PLCG1: variants seen among roughly 807,000 people sequenced by gnomAD.
PLCG1 encodes the protein 1-phosphatidylinositol 4,5-bisphosphate phosphodiesterase gamma-1.
A neutral mutation model predicts 177.8 loss-of-function variants in PLCG1; 71 were observed. That is an observed-to-expected ratio of 0.40 (90% CI 0.33 to 0.49). The LOEUF (loss-of-function observed/expected upper bound fraction) is 0.49, where lower values mean the gene tolerates loss of function less well. Among genes scored for constraint, PLCG1 ranks in the 20% least tolerant of loss-of-function variants. PLCG1 has a pLI of 0.72. For synonymous variants in PLCG1, 658 were observed against 647.9 expected (o/e 1.02, Z -0.24); for missense variants, 1,281 against 1,709.0 (o/e 0.75, Z 4.42).
chr20:41,153,783 C>T lies in PLCG1; in HGVS notation c.218-5823C>T, dbSNP rs556429013. ...TGGTGGTGTGCATCTGTAATCCCAG[C>T]TACTTGGGAGACTGAGGTATGAGAA... is the stretch of plus-strand genomic sequence containing the variant. On this transcript the variant is annotated intron_variant, in intron 1 of 31. Transcript: ENST00000685551. The surrounding 1 kb of genome is among the most constrained non-coding windows in gnomAD (Gnocchi z 5.1). 4.6e-5 allele frequency among the ~76,000 whole-genome samples: 7 copies of T among 152,262 alleles called. No homozygotes were observed. The South Asian group carries it at 8.3e-4, about 18-fold the overall frequency.
Position 41,177,311 on chromosome 20 carries a change from C to T in PLCG1, c.*2802C>T, listed in dbSNP as rs1198298289. On this transcript the variant is annotated 3_prime_UTR_variant, in exon 32 of 32. Coordinates refer to ENST00000685551, the MANE Select transcript of PLCG1 (RefSeq NM_002660.3). ...CCTACAAGGTCAGGGGCATTCTGCC[C>T]CCGCCACAGGACTAAAGACTGCCCT... is the stretch of plus-strand genomic sequence containing the variant. 1.1e-4 allele frequency: 16 copies of T among 152,370 alleles called. No individual in the cohort carries two copies. The South Asian group carries it at 2.1e-3, about 20-fold the overall frequency. The allele number at this position is 152,370 out of a possible 1,614,324, so 9.4% of individuals were successfully genotyped here.
At chr20:41,152,654 A>C (rs971075838) in intron 1 of PLCG1, among the ~76,000 whole-genome samples, 49 of 152,216 alleles carry the variant, frequency 3.2e-4, no homozygotes, top group African/African-American at 1.1e-3. Context: ...CCTGCTCTTA[A>C]GTACTCTGAA....
Position 41,166,503 on chromosome 20 carries a change from A to G in PLCG1, c.2028A>G (p.Ala676=). Reference sequence around the variant, plus strand: ...GGTACCACGCGAGCCTGACCAGAGCACAGGCTGAGCACATGCTAATGCGCG... The same window carrying G: ...GGTACCACGCGAGCCTGACCAGAGCGCAGGCTGAGCACATGCTAATGCGCG... ...KEWYHASLTR[A]QAEHMLMRVP... Residue 676 remains alanine (A), a synonymous_variant, in exon 18 of 32, where the codon GCA becomes GCG. Coordinates refer to ENST00000685551, the MANE Select transcript of PLCG1 (RefSeq NM_002660.3). The surrounding 1 kb of genome is among the most constrained non-coding windows in gnomAD (Gnocchi z 8.6). The G allele has an allele frequency of 6.2e-7, 1 of 1,614,106 alleles. No homozygotes were observed. The highest frequency in any genetic ancestry group is 8.5e-7 in the Non-Finnish European group (1 of 1,180,022).
Position 41,144,063 on chromosome 20 carries a change from C to CA in PLCG1, c.217+6211dup, listed in dbSNP as rs747848483. Among the ~76,000 whole-genome samples the CA allele has an allele frequency of 1.3e-5, 2 of 152,134 alleles. No homozygotes were observed. The highest frequency in any genetic ancestry group is 2.9e-5 in the Non-Finnish European group (2 of 68,042). On this transcript the variant is annotated intron_variant, in intron 1 of 31. Transcript: ENST00000685551. This position sits in a 1 kb window ranked among gnomAD's most constrained non-coding sequence, Gnocchi z 4.1. ...GTCTGTACACAGAGGACTGGGGCAT[C>CA]AAAAAACTCTGGAATTGGAATAGCA...
Position 41,167,617 on chromosome 20 carries a change from A to G in PLCG1, c.2302-235A>G. The stretch of plus-strand genomic sequence containing the variant: ...TGGGAGTTTGGGCATTTAGGACCTG[A>G]GAGATTTTAGAATCCTGGGCTGGGC... On this transcript the variant is annotated intron_variant, in intron 19 of 31. Coordinates refer to ENST00000685551, the MANE Select transcript of PLCG1 (RefSeq NM_002660.3). The surrounding 1 kb of genome is among the most constrained non-coding windows in gnomAD (Gnocchi z 4.4). 1.8e-6 allele frequency: 1 copy of G among 551,862 alleles called. No individual in the cohort carries two copies. The highest frequency in any genetic ancestry group is 3.2e-6 in the Non-Finnish European group (1 of 308,816). 34.2% of individuals were successfully genotyped at this position (551,862 alleles called of 1,614,324 possible). A position where few individuals can be genotyped will look rare whatever the true frequency, so the allele number is the denominator to read the frequency against.
At chr20:41,169,394 G>C in intron 22 of PLCG1, 63 bp from the exon 23 acceptor site, 2 of 1,281,464 alleles carry the variant, frequency 1.6e-6, no homozygotes, top group South Asian at 2.4e-5. Flanking sequence ...CATGCACACG[G>C]ATATCCCCTC....
In PLCG1 at chr20:41,174,103, G is replaced by C. The variant is rs370703709; in HGVS notation, c.3646-21G>C. On this transcript the variant is annotated intron_variant, in intron 30 of 31. Coordinates refer to ENST00000685551, the MANE Select transcript of PLCG1 (RefSeq NM_002660.3). The surrounding 1 kb of genome is among the most constrained non-coding windows in gnomAD (Gnocchi z 5.8). Reference sequence around the variant, plus strand: ...GTGCAGAGGAGTCATTGACCCTCTTGTGCACCTGGCTTCGTTGAAGCAGGA... The same window carrying C: ...GTGCAGAGGAGTCATTGACCCTCTTCTGCACCTGGCTTCGTTGAAGCAGGA... The C allele has an allele frequency of 3.1e-6, 5 of 1,612,330 alleles. No homozygotes were observed. The highest frequency in any genetic ancestry group is 1.3e-5 in the African/African-American group (1 of 74,896).
In PLCG1 at chr20:41,169,310, G is replaced by A. The variant is rs373153740; in HGVS notation, c.2580+135G>A. The A allele has an allele frequency of 6.1e-4, 557 of 916,800 alleles. No individual in the cohort carries two copies. In the African/African-American group the frequency reaches 8.2e-3, roughly 14 times the overall value. 56.8% of individuals were successfully genotyped at this position (916,800 alleles called of 1,614,324 possible). On this transcript the variant is annotated intron_variant, in intron 22 of 31. Coordinates refer to ENST00000685551, the MANE Select transcript of PLCG1 (RefSeq NM_002660.3). ...ATGGGCTGGTCGCACAGCCCATGTG[G>A]CCATGCACGTAGTCTCCCATATACC...
rs570554443 is a variant in PLCG1 at position 41,157,488 on chromosome 20, C to G, written c.218-2118C>G. Among the ~76,000 whole-genome samples the G allele has an allele frequency of 9.2e-5, 14 of 152,112 alleles. No homozygotes were observed. The highest frequency in any genetic ancestry group is 1.9e-4 in the Non-Finnish European group (13 of 68,020). ...CCGAGTATAACTGTTCATTTTTGTT[C>G]CCCATCCCTATTTGGTTTTCCCTCC... On this transcript the variant is annotated intron_variant, in intron 1 of 31. Coordinates refer to ENST00000685551, the MANE Select transcript of PLCG1 (RefSeq NM_002660.3). This position sits in a 1 kb window ranked among gnomAD's most constrained non-coding sequence, Gnocchi z 5.4.
rs1220668969 is a variant in PLCG1 at position 41,175,973 on chromosome 20, A to G, written c.*1464A>G. The G allele has an allele frequency of 6.6e-6, 1 of 152,154 alleles. No individual in the cohort carries two copies. Among genetic ancestry groups the G allele is most frequent in the African/African-American group, 2.4e-5 (1 of 41,422 alleles). 9.4% of individuals were successfully genotyped at this position (152,154 alleles called of 1,614,324 possible). ...CTGCCTGGGTTCTTTGTGGCCAGCC[A>G]GTTTTGGTGGTGAGCTGGAAACAAC... On this transcript the variant is annotated 3_prime_UTR_variant, in exon 32 of 32. Transcript: ENST00000685551.
At position 41,166,227 on chromosome 20, in the gene PLCG1, C is replaced by T. The variant is rs374142038; in HGVS notation, c.1833C>T (p.His611=). The T allele has an allele frequency of 3.7e-6, 6 of 1,613,882 alleles. No homozygotes were observed. Among genetic ancestry groups the T allele is most frequent in the Non-Finnish European group, 5.1e-6 (6 of 1,179,996 alleles). The change falls in exon 17 of 32, where the codon CAC becomes CAT. Residue 611 remains histidine, a synonymous_variant. Coordinates refer to ENST00000685551, the MANE Select transcript of PLCG1 (RefSeq NM_002660.3). This position sits in a 1 kb window ranked among gnomAD's most constrained non-coding sequence, Gnocchi z 8.6. ...RNGKVQHCRI[H]SRQDAGTPKF... ...GGAAAGTCCAGCACTGCCGTATCCA[C>T]TCCCGGCAAGATGCTGGGACCCCCA...
Position 41,164,749 on chromosome 20 carries a change from C to T in PLCG1, c.1218-184C>T, listed in dbSNP as rs2035624859. On this transcript the variant is annotated intron_variant, in intron 12 of 31. Coordinates refer to ENST00000685551, the MANE Select transcript of PLCG1 (RefSeq NM_002660.3). The surrounding 1 kb of genome is among the most constrained non-coding windows in gnomAD (Gnocchi z 6.4). ...ATCAGTTGCCACCCTTTGGTTTCCACTGCTGCCACAGCTGTAGAACCCCTC... is the reference window on the plus strand; with the variant it reads ...ATCAGTTGCCACCCTTTGGTTTCCATTGCTGCCACAGCTGTAGAACCCCTC... Among the ~76,000 whole-genome samples the T allele has an allele frequency of 6.6e-6, 1 of 152,206 alleles. No homozygotes were observed. The highest frequency in any genetic ancestry group is 6.5e-5 in the Admixed American group (1 of 15,282).
chr20:41,174,208 C>A lies in PLCG1; in HGVS notation c.3730C>A (p.Arg1244=). The A allele has an allele frequency of 6.2e-7, 1 of 1,614,142 alleles. No homozygotes were observed. Among genetic ancestry groups the A allele is most frequent in the South Asian group, 1.1e-5 (1 of 91,076 alleles). Residue 1244 remains arginine (R), a synonymous_variant, in exon 31 of 32, where the codon CGA becomes AGA. Transcript: ENST00000685551. The surrounding 1 kb of genome is among the most constrained non-coding windows in gnomAD (Gnocchi z 5.8). ...TGCCTCAGGCCAGCTGTTTCATGGC[C>A]GAGCCCGGGAAGGCTCCTTTGAATC... ...SDASGQLFHG[R]AREGSFESRY...
chr20:41,162,882 A>AGCCT lies in PLCG1; in HGVS notation c.682-71_682-68dup. 5.5e-6 allele frequency: 8 copies of AGCCT among 1,450,102 alleles called. No individual in the cohort carries two copies. In the South Asian group the frequency reaches 6.8e-5, roughly 12 times the overall value. 89.8% of individuals were successfully genotyped at this position (1,450,102 alleles called of 1,614,324 possible). A position where few individuals can be genotyped will look rare whatever the true frequency, so the allele number is the denominator to read the frequency against. ...GAGGCCTGCCCCCATCTGCTGCTCTAGCCTGCCTTCTTACTAGCCCATTTC... is the reference window on the plus strand; with the variant it reads ...GAGGCCTGCCCCCATCTGCTGCTCTAGCCTGCCTGCCTTCTTACTAGCCCATTTC... On this transcript the variant is annotated intron_variant, in intron 6 of 31. Transcript: ENST00000685551.
Position 41,160,152 on chromosome 20 carries a change from C to T in PLCG1, c.511C>T (p.Arg171Cys), listed in dbSNP as rs866700700. 3 of 1,613,780 alleles carry T rather than the reference C, an allele frequency of 1.9e-6. No homozygotes were observed. Among genetic ancestry groups the T allele is most frequent in the Non-Finnish European group, 2.5e-6 (3 of 1,179,742 alleles). Reference protein sequence around the residue: ...FYSVDRNREDRISAKDLKNML... With the variant: ...FYSVDRNREDCISAKDLKNML... ...CTCAGTGGATCGGAATCGTGAGGAT[C>T]GGTAAGTACTGAGCTGTGGCTGTAG... Residue 171 changes from arginine to cysteine, a missense_variant and splice_region_variant, in exon 4 of 32, where the codon CGT (arginine) becomes TGT (cysteine). By Grantham distance (180) the Arg-to-Cys change is radical. Around this residue, in one of 4 missense-constraint regions of PLCG1, gnomAD observed 374 missense variants for 443.8 expected, o/e 0.84. Transcript: ENST00000685551. This position sits in a 1 kb window ranked among gnomAD's most constrained non-coding sequence, Gnocchi z 5.5.
chr20:41,140,826 C>T (rs532633137), intron 1 of PLCG1, among the ~76,000 whole-genome samples: 59 of 152,274 alleles, frequency 3.9e-4, no homozygotes, highest in Non-Finnish European at 6.5e-4. Context: ...TGAGACCTTT[C>T]GTCCCATTTT....
chr20:41,157,816 G>A lies in PLCG1; in HGVS notation c.218-1790G>A, dbSNP rs1489272160. 1.3e-5 allele frequency among the ~76,000 whole-genome samples: 2 copies of A among 152,208 alleles called. No individual in the cohort carries two copies. Among genetic ancestry groups the A allele is most frequent in the Non-Finnish European group, 2.9e-5 (2 of 68,036 alleles). ...AGAGGGTGAGAGGGCAAAAGCTGGG[G>A]AGGTAAATTCCTGAGCCCTGTCACA... is the stretch of plus-strand genomic sequence containing the variant. On this transcript the variant is annotated intron_variant, in intron 1 of 31. Coordinates refer to ENST00000685551, the MANE Select transcript of PLCG1 (RefSeq NM_002660.3). This position sits in a 1 kb window ranked among gnomAD's most constrained non-coding sequence, Gnocchi z 5.4.
In PLCG1 at chr20:41,169,180, GACCAGAACC is replaced by G. The variant is rs547025579; in HGVS notation, c.2580+9_2580+17del. 2.3e-4 allele frequency: 367 copies of G among 1,588,312 alleles called. 1 individual carries two copies. In the East Asian group the frequency reaches 7.6e-3, roughly 33 times the overall value. On this transcript the variant is annotated splice_donor_region_variant and intron_variant, in intron 22 of 31. Coordinates refer to ENST00000685551, the MANE Select transcript of PLCG1 (RefSeq NM_002660.3). ...GCCCTGGAGCCGGAGAGGGAGGTAAGACCAGAACCACCTGAGTAACAGCATTCCCTATTC... is the reference window on the plus strand; with the variant it reads ...GCCCTGGAGCCGGAGAGGGAGGTAAGACCTGAGTAACAGCATTCCCTATTC...
In PLCG1 at chr20:41,166,722, C is replaced by G. The variant is rs2035706615; in HGVS notation, c.2164C>G (p.Gln722Glu). ...IKHCRVQQEG[Q>E]TVMLGNSEFD... ...GCATTGCCGTGTCCAGCAAGAGGGC[C>G]AGACAGTGATGCTAGGGAACTCGGA... Residue 722 changes from glutamine (Q) to glutamate (E), a missense_variant, in exon 19 of 32, where the codon CAG becomes GAG. Coordinates refer to ENST00000685551, the MANE Select transcript of PLCG1 (RefSeq NM_002660.3). This position sits in a 1 kb window ranked among gnomAD's most constrained non-coding sequence, Gnocchi z 8.6. 1 of 1,614,158 alleles carries G rather than the reference C, an allele frequency of 6.2e-7. No individual in the cohort carries two copies. The highest frequency in any genetic ancestry group is 8.5e-7 in the Non-Finnish European group (1 of 1,180,014).
Sources: gnomAD v4.1 joint callset for allele counts (sites outside exome capture counted in the v4.1 genomes callset) on GRCh38, gnomAD v4.1.1 for gene constraint, gnomAD v4.1.1 regional missense constraint, Gnocchi (gnomAD v3.1) non-coding constraint, MANE v1.5 for transcripts, NCBI Gene and HGNC (gene_info 2026-07-23, HGNC 2026-07-21) for gene names.